SPRING1: variants seen among roughly 807,000 people sequenced by gnomAD.
SPRING1 encodes the protein SREBP regulating gene protein.
A neutral mutation model predicts 24.7 loss-of-function variants in SPRING1; 14 were observed. The ratio of observed to expected loss-of-function variants is 0.57; its 90% CI spans 0.37 to 0.88. The LOEUF is 0.88. Among genes scored for constraint, SPRING1 ranks in the 40% least tolerant of loss-of-function variants. The pLI is 0.00. For missense variants in SPRING1, 255 were observed against 268.4 expected (o/e 0.95, Z 0.35); for synonymous variants, 93 against 106.1 (o/e 0.88, Z 0.76).
chr12:116,735,914 C>G (rs1424965707), intron 1 of SPRING1, among the ~76,000 whole-genome samples: 1 of 151,634 alleles, frequency 6.6e-6, no homozygotes, highest in African/African-American at 2.4e-5. Context: ...GTGGCGCATG[C>G]CTGTAATCCC....
intron 1 of SPRING1, among the ~76,000 whole-genome samples, chr12:116,727,806 C>T (rs1332856969): frequency 6.6e-6 from 1 of 152,052 alleles, no homozygotes; most frequent in Non-Finnish European, 1.5e-5. Context: ...CAGTGGATGC[C>T]TCTGGTTAGT....
rs1870018361 is a variant in SPRING1, at chr12:116,714,481, C to G, written c.*3329G>C. 6.6e-6 allele frequency: 1 copy of G among 152,306 alleles called. No homozygotes were observed. Among genetic ancestry groups the G allele is most frequent in the African/African-American group, 2.4e-5 (1 of 41,452 alleles). The allele number at this position is 152,306 out of a possible 1,614,324, so 9.4% of individuals were successfully genotyped here. On this transcript the variant is annotated 3_prime_UTR_variant, in exon 5 of 5. Transcript: ENST00000261318. The stretch of plus-strand genomic sequence containing the variant: ...GTCATATCCTCTGCTTCTGCAAAAG[C>G]TGTGGAGCTCACCCATCAATAGCAG...
Position 116,737,781 on chromosome 12 carries a change from G to A in SPRING1, c.111+9C>T. The A allele has an allele frequency of 6.4e-7, 1 of 1,572,708 alleles. No individual in the cohort carries two copies. The highest frequency in any genetic ancestry group is 8.6e-7 in the Non-Finnish European group (1 of 1,158,094). On this transcript the variant is annotated intron_variant, in intron 1 of 4. Transcript: ENST00000261318. ...AGGGAAGGGGAGGAGGGGAAGGGCGGCCACTGACCTGCTTGAAGGTGCTGC... is the reference window on the plus strand; with the variant it reads ...AGGGAAGGGGAGGAGGGGAAGGGCGACCACTGACCTGCTTGAAGGTGCTGC...
intron 2 of SPRING1, among the ~76,000 whole-genome samples, chr12:116,721,825 C>A (rs1360244745): frequency 1.3e-5 from 2 of 152,160 alleles, no homozygotes; most frequent in African/African-American, 4.8e-5. Context: ...TCTCTTTCTG[C>A]CTTTTACTTT....
Position 116,720,204 on chromosome 12 carries a change from C to T in SPRING1, c.420+92G>A. On this transcript the variant is annotated intron_variant, in intron 3 of 4. Transcript: ENST00000261318. The surrounding 1 kb of genome is among the most constrained non-coding windows in gnomAD (Gnocchi z 4.0). ...AAAGCTCCTTTCTAAGTTTTATTTTCAGAGGAATCTCACATGAAGAGCCTA... is the reference window on the plus strand; with the variant it reads ...AAAGCTCCTTTCTAAGTTTTATTTTTAGAGGAATCTCACATGAAGAGCCTA... 7.0e-7 allele frequency: 1 copy of T among 1,428,394 alleles called. No homozygotes were observed. Among genetic ancestry groups the T allele is most frequent in the African/African-American group, 1.4e-5 (1 of 69,940 alleles). The allele number at this position is 1,428,394 out of a possible 1,614,324, so 88.5% of individuals were successfully genotyped here.
rs1870195712 is a variant in SPRING1, at chr12:116,717,477, C to T, written c.*333G>A. 4.6e-6 allele frequency: 1 copy of T among 215,332 alleles called. No homozygotes were observed. The highest frequency in any genetic ancestry group is 9.1e-6 in the Non-Finnish European group (1 of 109,652). The allele number at this position is 215,332 out of a possible 1,614,324, so 13.3% of individuals were successfully genotyped here. A position where few individuals can be genotyped will look rare whatever the true frequency, so the allele number is the denominator to read the frequency against. On this transcript the variant is annotated 3_prime_UTR_variant, in exon 5 of 5. Transcript: ENST00000261318. The surrounding 1 kb of genome is among the most constrained non-coding windows in gnomAD (Gnocchi z 4.2). ...ATCAAAACTGGAAGTGACACCGGCC[C>T]CCGATGAACACAAGTCACAGGTCCC...
rs201284344 is a variant in SPRING1, at chr12:116,723,057, C to G, written c.268+10G>C. 6.2e-7 allele frequency: 1 copy of G among 1,612,238 alleles called. No homozygotes were observed. The highest frequency in any genetic ancestry group is 2.2e-4 in the Middle Eastern group (1 of 4,470). On this transcript the variant is annotated intron_variant, in intron 2 of 4. Transcript: ENST00000261318. ...CTGACCGCCTGGAGAGGAAGGGAAG[C>G]CAGCCTCACCGAGTTCATCCGTGAT...
At position 116,720,749 on chromosome 12, in the gene SPRING1, T is replaced by C. The variant is rs1009621732; in HGVS notation, c.269-302A>G. Among the ~76,000 whole-genome samples the C allele has an allele frequency of 6.6e-6, 1 of 152,172 alleles. No individual in the cohort carries two copies. Among genetic ancestry groups the C allele is most frequent in the African/African-American group, 2.4e-5 (1 of 41,452 alleles). On this transcript the variant is annotated intron_variant, in intron 2 of 4. Coordinates refer to ENST00000261318, the MANE Select transcript of SPRING1 (RefSeq NM_024738.4). This position sits in a 1 kb window ranked among gnomAD's most constrained non-coding sequence, Gnocchi z 4.0. ...ATCATCAGGTCAAGCTACGGCTACGTTCTCCTATTCTAACCTATGCAAGCC... is the reference window on the plus strand; with the variant it reads ...ATCATCAGGTCAAGCTACGGCTACGCTCTCCTATTCTAACCTATGCAAGCC...
Position 116,714,827 on chromosome 12 carries a change from T to C in SPRING1, c.*2983A>G, listed in dbSNP as rs879848965. 3 of 148,676 alleles carry C rather than the reference T, an allele frequency of 2.0e-5. No individual in the cohort carries two copies. Among genetic ancestry groups the C allele is most frequent in the Non-Finnish European group, 4.4e-5 (3 of 67,570 alleles). 9.2% of individuals were successfully genotyped at this position (148,676 alleles called of 1,614,324 possible). On this transcript the variant is annotated 3_prime_UTR_variant, in exon 5 of 5. Transcript: ENST00000261318. ...AAAAAAAAAAAAAAAGGCTCTAGCATTGCCAGATCCCAGGCCCTGTGGAAG... is the reference window on the plus strand; with the variant it reads ...AAAAAAAAAAAAAAAGGCTCTAGCACTGCCAGATCCCAGGCCCTGTGGAAG...
At chr12:116,721,356 C>A (rs1249811980) in intron 2 of SPRING1, among the ~76,000 whole-genome samples, 1 of 152,222 alleles carries the variant, frequency 6.6e-6, no homozygotes, top group African/African-American at 2.4e-5. Context: ...CAGCTGCTCC[C>A]CACATCACTG....
rs541448833 is a variant in SPRING1, at chr12:116,721,107, C to T, written c.269-660G>A. Among the ~76,000 whole-genome samples the T allele has an allele frequency of 2.0e-5, 3 of 152,292 alleles. No individual in the cohort carries two copies. In the East Asian group the frequency reaches 5.8e-4, roughly 29 times the overall value. On this transcript the variant is annotated intron_variant, in intron 2 of 4. Coordinates refer to ENST00000261318, the MANE Select transcript of SPRING1 (RefSeq NM_024738.4). ...CCCCTCAACTTCTTATAAATCTCAT[C>T]ATCTATATACACATGCCCCTTCCAA...
chr12:116,719,927 G>A (rs777265313), intron 3 of SPRING1, 51 bp from the exon 4 acceptor site: 1 of 1,492,438 alleles, frequency 6.7e-7, no homozygotes, highest in African/African-American at 1.4e-5. Context: ...GCCAGCACAA[G>A]GTGACCTTGG....
intron 1 of SPRING1, among the ~76,000 whole-genome samples, chr12:116,731,542 G>A (rs1005278418): frequency 3.3e-5 from 5 of 151,980 alleles, no homozygotes; most frequent in African/African-American, 4.8e-5. Context: ...CCAGGAGTTG[G>A]ACACCAGCCT....
rs541390718 is a variant in SPRING1 at position 116,728,685 on chromosome 12, C to T, written c.112-5462G>A. On this transcript the variant is annotated intron_variant, in intron 1 of 4. Transcript: ENST00000261318. This position sits in a 1 kb window ranked among gnomAD's most constrained non-coding sequence, Gnocchi z 4.2. The stretch of plus-strand genomic sequence containing the variant: ...ACGGGGAGCTTCACAGTGTTCATAG[C>T]GTCTTCTCCATCAACGGTACACACC... Among the ~76,000 whole-genome samples, 12 of 152,332 alleles carry T rather than the reference C, an allele frequency of 7.9e-5. No individual in the cohort carries two copies. In the East Asian group the frequency reaches 1.7e-3, roughly 22 times the overall value.
intron 1 of SPRING1, among the ~76,000 whole-genome samples, chr12:116,735,182 C>T (rs1319675355): frequency 1.3e-5 from 2 of 152,044 alleles, no homozygotes; most frequent in South Asian, 2.1e-4. Flanking sequence ...TGCCACTGAG[C>T]GAGACTGGGA....
rs1870826190 is a variant in SPRING1 at position 116,728,722 on chromosome 12, C to T, written c.112-5499G>A. Among the ~76,000 whole-genome samples the T allele has an allele frequency of 6.6e-6, 1 of 152,200 alleles. No homozygotes were observed. Among genetic ancestry groups the T allele is most frequent in the African/African-American group, 2.4e-5 (1 of 41,454 alleles). On this transcript the variant is annotated intron_variant, in intron 1 of 4. Coordinates refer to ENST00000261318, the MANE Select transcript of SPRING1 (RefSeq NM_024738.4). The surrounding 1 kb of genome is among the most constrained non-coding windows in gnomAD (Gnocchi z 4.2). ...CAACGGTACACACCCTGGACCCGTA[C>T]ACTCCATCTCACCATCTCCATTTTA...
Position 116,714,940 on chromosome 12 carries a change from T to TACA in SPRING1, c.*2867_*2869dup, listed in dbSNP as rs1870050037. The TACA allele has an allele frequency of 6.6e-6, 1 of 152,092 alleles. No homozygotes were observed. The highest frequency in any genetic ancestry group is 2.4e-5 in the African/African-American group (1 of 41,408). 9.4% of individuals were successfully genotyped at this position (152,092 alleles called of 1,614,324 possible). A position where few individuals can be genotyped will look rare whatever the true frequency, so the allele number is the denominator to read the frequency against. ...TTCTTTCCCTGTTAGGACCAATCTT[T>TACA]ACAACTCCAGCAAGCGCAGCAAATA... On this transcript the variant is annotated 3_prime_UTR_variant, in exon 5 of 5. Transcript: ENST00000261318.
rs1023939117 is a variant in SPRING1 at position 116,720,929 on chromosome 12, TACTG to T, written c.269-486_269-483del. Among the ~76,000 whole-genome samples, 22 of 152,352 alleles carry T rather than the reference TACTG, an allele frequency of 1.4e-4. No individual in the cohort carries two copies. The highest frequency in any genetic ancestry group is 7.8e-4 in the Admixed American group (12 of 15,294). ...AAATATCTTTCAGATGCTCGCTGCA[TACTG>T]ACTAATTTGGAGATTACAAAAATAG... On this transcript the variant is annotated intron_variant, in intron 2 of 4. Transcript: ENST00000261318. The surrounding 1 kb of genome is among the most constrained non-coding windows in gnomAD (Gnocchi z 4.0).
In SPRING1 at chr12:116,737,934, G is replaced by A; in HGVS notation, c.-34C>T. On this transcript the variant is annotated 5_prime_UTR_variant, in exon 1 of 5. Transcript: ENST00000261318. ...GGACGTGGGGCGCGGCGGCCGGGGC[G>A]CGGAACGCGGCAGGCCCGGGTCCCG... The A allele has an allele frequency of 1.4e-6, 2 of 1,436,094 alleles. No homozygotes were observed. Among genetic ancestry groups the A allele is most frequent in the Non-Finnish European group, 1.8e-6 (2 of 1,093,028 alleles). 89.0% of individuals were successfully genotyped at this position (1,436,094 alleles called of 1,614,324 possible).
Sources: gnomAD v4.1 joint callset for allele counts (sites outside exome capture counted in the v4.1 genomes callset) on GRCh38, gnomAD v4.1.1 for gene constraint, Gnocchi (gnomAD v3.1) non-coding constraint, MANE v1.5 for transcripts, NCBI Gene and HGNC (gene_info 2026-07-23, HGNC 2026-07-21) for gene names.